Variants in KRT4 observed in about 807,000 individuals in gnomAD.
The protein encoded by KRT4 is keratin 4.
A neutral mutation model predicts 50.6 loss-of-function variants in KRT4; 47 were observed. That is an observed-to-expected ratio of 0.93 (90% CI 0.73 to 1.18). KRT4 has a LOEUF of 1.18. Among genes scored for constraint, KRT4 ranks in the 50% most tolerant of loss-of-function variants. The probability of loss-of-function intolerance (pLI) is 0.00; values close to 1 mark genes in which losing one functional copy is unlikely to be tolerated. For synonymous variants in KRT4, 254 were observed against 251.2 expected, an observed-to-expected ratio of 1.01 and a Z score of -0.10; for missense variants, 651 against 645.7, an observed-to-expected ratio of 1.01 and a Z score of -0.09.
chr12:52,810,629 G>C (rs1047289343), intron 3 of KRT4, 127 bp downstream of exon 3: 20 of 807,252 alleles, frequency 2.5e-5, no homozygotes, highest in East Asian at 2.0e-4. Context: ...TGACTATATA[G>C]ATCTAGATAG....
chr12:52,807,977 T>G, intron 6 of KRT4, 113 bp from the exon 7 acceptor site: 1 of 976,672 alleles, frequency 1.0e-6, no homozygotes, highest in Non-Finnish European at 1.6e-6. Flanking sequence ...AGATTCTATC[T>G]GTTCTGCCCA....
In KRT4 at chr12:52,809,080, G is replaced by A. The variant is rs1336017055; in HGVS notation, c.835-230C>T. 4.7e-6 allele frequency: 3 copies of A among 639,318 alleles called. No homozygotes were observed. In the African/African-American group the frequency reaches 5.4e-5, roughly 12 times the overall value. The allele number at this position is 639,318 out of a possible 1,614,324, so 39.6% of individuals were successfully genotyped here. On this transcript the variant is annotated intron_variant, in intron 4 of 8. Transcript: ENST00000551956. ...ACTCTAATGCAGTGAGTGCCGGTGT[G>A]TTGGAATGGAAGGGAAGGGAATGGA...
rs914052991 is a variant in KRT4 at position 52,806,907 on chromosome 12, G to T, written c.*162C>A. On this transcript the variant is annotated 3_prime_UTR_variant, in exon 9 of 9. Coordinates refer to ENST00000551956, the MANE Select transcript of KRT4 (RefSeq NM_002272.4). ...TCCAAGAGGCAGAGTCCCTGTCCCAGCACAGAAGATCATCCTGGGGCAGAG... is the reference window on the plus strand; with the variant it reads ...TCCAAGAGGCAGAGTCCCTGTCCCATCACAGAAGATCATCCTGGGGCAGAG... 2.5e-6 allele frequency: 2 copies of T among 792,502 alleles called. No homozygotes were observed. Among genetic ancestry groups the T allele is most frequent in the Admixed American group, 2.0e-5 (1 of 49,502 alleles). The allele number at this position is 792,502 out of a possible 1,614,324, so 49.1% of individuals were successfully genotyped here.
chr12:52,814,110 G>C lies in KRT4; in HGVS notation c.-52C>G. ...TCAGAGAAGTGACAGGGCCCAGGCC[G>C]GTGAGTGCTGGAGCCCTCAGCCTTC... On this transcript the variant is annotated 5_prime_UTR_variant, in exon 1 of 9. Coordinates refer to ENST00000551956, the MANE Select transcript of KRT4 (RefSeq NM_002272.4). 1 of 1,614,028 alleles carries C rather than the reference G, an allele frequency of 6.2e-7. No individual in the cohort carries two copies. Among genetic ancestry groups the C allele is most frequent in the Non-Finnish European group, 8.5e-7 (1 of 1,180,018 alleles).
At chr12:52,809,506 T>A in intron 3 of KRT4, 28 bp from the exon 4 acceptor site, 6 of 1,533,228 alleles carry the variant, frequency 3.9e-6, no homozygotes, top group Non-Finnish European at 5.4e-6. Flanking sequence ...GGATAAGAGA[T>A]GAGGAGCAGG....
intron 3 of KRT4, among the ~76,000 whole-genome samples, chr12:52,809,961 G>T (rs1204221325): frequency 6.6e-6 from 1 of 152,206 alleles, no homozygotes; most frequent in Non-Finnish European, 1.5e-5. Flanking sequence ...CAGCAATGTG[G>T]ATGGAACTGG....
intron 3 of KRT4, 132 bp downstream of exon 3, chr12:52,810,624 A>G (rs757064513): frequency 5.4e-5 from 42 of 780,112 alleles, no homozygotes; most frequent in Non-Finnish European, 9.1e-5. Context: ...TTCCTTGACT[A>G]TATAGATCTA....
At chr12:52,808,595 A>G (rs184731758) in intron 5 of KRT4, 91 bp downstream of exon 5, 1 of 1,520,708 alleles carries the variant, frequency 6.6e-7, no homozygotes, top group African/African-American at 1.4e-5. Flanking sequence ...TCTGACTTCT[A>G]TTGGGCTTGA....
At chr12:52,809,062 T>C (rs1379987823) in intron 4 of KRT4, 12 of 659,292 alleles carry the variant, frequency 1.8e-5, no homozygotes, top group East Asian at 5.6e-5. Flanking sequence ...GCCACTCTAA[T>C]GCAGTGAGTG....
At chr12:52,808,226 G>A (rs539002821) in intron 6 of KRT4, 68 bp downstream of exon 6, 2 of 1,584,676 alleles carry the variant, frequency 1.3e-6, no homozygotes, top group Non-Finnish European at 1.7e-6. Context: ...TTATCTGCTT[G>A]TCCACTCTGG....
At position 52,811,574 on chromosome 12, in the gene KRT4, C is replaced by T. The variant is rs187852840; in HGVS notation, c.677+189G>A. On this transcript the variant is annotated intron_variant, in intron 2 of 8. Coordinates refer to ENST00000551956, the MANE Select transcript of KRT4 (RefSeq NM_002272.4). ...CTGAATCTATCATTAAATTTCCTTT[C>T]GGAAAAATCTGTGGTTACCAGACCT... The T allele has an allele frequency of 1.3e-3, 790 of 607,548 alleles. 8 individuals carry two copies. The African/African-American group carries it at 0.014, about 10-fold the overall frequency. The allele number at this position is 607,548 out of a possible 1,614,324, so 37.6% of individuals were successfully genotyped here.
In KRT4 at chr12:52,811,842, C is replaced by T; in HGVS notation, c.598G>A (p.Asp200Asn). ...TYLSVLRKQL[D>N]TLGNDKGRLQ... ...CGCCCTTTGTCATTGCCCAAGGTATCTAGCTGCTTCCTCAGGACACTGAGG... is the reference window on the plus strand; with the variant it reads ...CGCCCTTTGTCATTGCCCAAGGTATTTAGCTGCTTCCTCAGGACACTGAGG... The change falls in exon 2 of 9, where the codon GAT becomes AAT. Residue 200 changes from aspartate to asparagine, a missense_variant. By Grantham distance (23) the Asp-to-Asn change is conservative. Transcript: ENST00000551956. 1 of 1,614,108 alleles carries T rather than the reference C, an allele frequency of 6.2e-7. No individual in the cohort carries two copies. The highest frequency in any genetic ancestry group is 8.5e-7 in the Non-Finnish European group (1 of 1,180,034).
At chr12:52,807,901 C>T (rs1474585266) in intron 6 of KRT4, 37 bp from the exon 7 acceptor site, 2 of 1,586,006 alleles carry the variant, frequency 1.3e-6, no homozygotes, top group Non-Finnish European at 1.7e-6. Flanking sequence ...GTCAGCAGTG[C>T]CCTGCCTTCA....
intron 2 of KRT4, 88 bp downstream of exon 2, chr12:52,811,675 G>A: frequency 5.5e-6 from 6 of 1,097,886 alleles, no homozygotes; most frequent in Non-Finnish European, 8.4e-6. Context: ...CAGAGCCTGA[G>A]ATTCTAAGCC....
In KRT4 at chr12:52,811,869, A is replaced by G; in HGVS notation, c.571T>C (p.Tyr191His). 1 of 1,614,088 alleles carries G rather than the reference A, an allele frequency of 6.2e-7. No individual in the cohort carries two copies. Among genetic ancestry groups the G allele is most frequent in the Non-Finnish European group, 8.5e-7 (1 of 1,180,024 alleles). The change falls in exon 2 of 9, where the codon TAC becomes CAC. Residue 191 changes from tyrosine to histidine, a missense_variant. By Grantham distance (83) the Tyr-to-His change is moderately conservative (BLOSUM62 2). Transcript: ENST00000551956. ...AGCTGCTTCCTCAGGACACTGAGGT[A>G]GGTCTCAAAGAGGGGCTCAAGGTTT... The part of the protein sequence containing the change: ...SKNLEPLFET[Y>H]LSVLRKQLDT...
chr12:52,811,819 C>T lies in KRT4; in HGVS notation c.621G>A (p.Gly207=), dbSNP rs746665159. Residue 207 remains glycine (G), a synonymous_variant, in exon 2 of 9, where the codon GGG becomes GGA. Coordinates refer to ENST00000551956, the MANE Select transcript of KRT4 (RefSeq NM_002272.4). ...KQLDTLGNDK[G]RLQSELKTMQ... The stretch of plus-strand genomic sequence containing the variant: ...TGGTCTTCAGCTCAGACTGCAGGCG[C>T]CCTTTGTCATTGCCCAAGGTATCTA... The T allele has an allele frequency of 6.2e-7, 1 of 1,613,886 alleles. No homozygotes were observed. Among genetic ancestry groups the T allele is most frequent in the Admixed American group, 1.7e-5 (1 of 60,008 alleles).
At position 52,813,972 on chromosome 12, in the gene KRT4, G is replaced by C; in HGVS notation, c.87C>G (p.Ala29=). 1.2e-6 allele frequency: 2 copies of C among 1,614,166 alleles called. No individual in the cohort carries two copies. Among genetic ancestry groups the C allele is most frequent in the Non-Finnish European group, 8.5e-7 (1 of 1,180,038 alleles). The change falls in exon 1 of 9, where the codon GCC becomes GCG. Residue 29 remains alanine, a synonymous_variant. Coordinates refer to ENST00000551956, the MANE Select transcript of KRT4 (RefSeq NM_002272.4). ...CTCCAGACATGGAGACTGAGCTGAA[G>C]GCACCTCTCTTGCCACCGCCTACAA... ...SAIVGGGKRG[A]FSSVSMSGGA...
chr12:52,812,884 C>A (rs551464425), intron 1 of KRT4, among the ~76,000 whole-genome samples: 2 of 152,308 alleles, frequency 1.3e-5, no homozygotes, highest in South Asian at 4.2e-4. Context: ...CCAGGGCAAC[C>A]TGGACCAAAG....
intron 1 of KRT4, among the ~76,000 whole-genome samples, chr12:52,812,764 TG>T (rs1315174157): frequency 1.3e-5 from 2 of 152,268 alleles, no homozygotes; most frequent in African/African-American, 4.8e-5. Context: ...TAAGTTACTA[TG>T]GGTTTATTCA....
Sources: gnomAD v4.1 joint callset for allele counts (sites outside exome capture counted in the v4.1 genomes callset) on GRCh38, gnomAD v4.1.1 for gene constraint, MANE v1.5 for transcripts, NCBI Gene and HGNC (gene_info 2026-07-23, HGNC 2026-07-21) for gene names.